The following SORBS2 variants were observed in gnomAD, a reference collection of about 807,000 sequenced individuals.
The protein encoded by SORBS2 is sorbin and SH3 domain-containing protein 2.
SORBS2 carries 46 observed loss-of-function variants against 97.7 expected under a neutral mutation model. That is an observed-to-expected ratio of 0.47 (90% CI 0.37 to 0.60). The LOEUF (loss-of-function observed/expected upper bound fraction) is 0.60. Ranked by LOEUF, SORBS2 falls within the 20% of genes least tolerant of loss-of-function variation. The pLI, the probability that SORBS2 is intolerant of heterozygous loss-of-function variation, is 0.00. For missense variants in SORBS2, 1,316 were observed against 1,282.3 expected, an observed-to-expected ratio of 1.03 and a Z score of -0.40; for synonymous variants, 476 against 473.4, an observed-to-expected ratio of 1.01 and a Z score of -0.07.
chr4:185,778,115 T>C (rs1051070637), intron 1 of SORBS2, among the ~76,000 whole-genome samples: 1 of 152,222 alleles, frequency 6.6e-6, no homozygotes, highest in Non-Finnish European at 1.5e-5. Context: ...TAATTTCACT[T>C]GTTTCTTTTT....
At chr4:185,665,089 G>T (rs1170098618) in intron 4 of SORBS2, among the ~76,000 whole-genome samples, 1 of 152,028 alleles carries the variant, frequency 6.6e-6, no homozygotes, top group Non-Finnish European at 1.5e-5. Flanking sequence ...ACAAATTATT[G>T]ATAAACAAAA....
intron 1 of SORBS2, among the ~76,000 whole-genome samples, chr4:185,849,055 G>A (rs1420848993): frequency 6.6e-6 from 1 of 152,094 alleles, no homozygotes. Context: ...GTTTATTTTG[G>A]ACAATGCCCA....
At chr4:185,782,652 A>T (rs1350478669) in intron 1 of SORBS2, among the ~76,000 whole-genome samples, 1 of 152,260 alleles carries the variant, frequency 6.6e-6, no homozygotes, top group East Asian at 1.9e-4. Flanking sequence ...CAATGGTATG[A>T]AACTCTTTCT....
At chr4:185,739,248 T>C (rs1223933982) in intron 2 of SORBS2, among the ~76,000 whole-genome samples, 2 of 152,220 alleles carry the variant, frequency 1.3e-5, no homozygotes, top group African/African-American at 4.8e-5. Flanking sequence ...GCTGAATAAA[T>C]AGTCTTACAG....
rs1222851672 is a variant in SORBS2, at chr4:185,713,405, G to A, written c.-197-34583C>T. The stretch of plus-strand genomic sequence containing the variant: ...CACTTCTTATCACCTCTCATCTTAC[G>A]TGTTTGCTTTTTATCTCTTTCCCAC... On this transcript the variant is annotated intron_variant, in intron 2 of 20. Transcript: ENST00000284776. Among the ~76,000 whole-genome samples, 17 of 152,198 alleles carry A rather than the reference G, an allele frequency of 1.1e-4. No individual in the cohort carries two copies. The East Asian group carries it at 2.5e-3, about 22-fold the overall frequency.
chr4:185,614,873 G>A (rs773883364), exon 11 of SORBS2: 1 of 1,614,196 alleles, frequency 6.2e-7, no homozygotes, highest in Non-Finnish European at 8.5e-7. Flanking sequence ...CGTTGAAGTT[G>A]TATTTGGCTA....
chr4:185,893,160 T>C (rs908083883), intron 1 of SORBS2, among the ~76,000 whole-genome samples: 1 of 152,156 alleles, frequency 6.6e-6, no homozygotes, highest in African/African-American at 2.4e-5. Context: ...CTGGGGTTGC[T>C]ATGCTGTGGA....
rs756425582 is a variant in SORBS2 at position 185,614,944 on chromosome 4, C to T, written c.2482G>A (p.Glu828Lys). 12 of 1,614,162 alleles carry T rather than the reference C, an allele frequency of 7.4e-6. No individual in the cohort carries two copies. The highest frequency in any genetic ancestry group is 1.7e-5 in the Admixed American group (1 of 60,012). ...GGTGGTCTTGCAGGCTGTGCTTTCT[C>T]AGGAGGTGTGAGTTTCTATGAAGGA... Residue 828 changes from glutamate (E) to lysine (K), a missense_variant, in exon 11 of 15, where the codon GAG (glutamate) becomes AAG (lysine). Coordinates refer to ENST00000418609, the Ensembl canonical transcript of SORBS2.
At chr4:185,941,271 ACTGT>A (rs1375030976) in intron 1 of SORBS2, among the ~76,000 whole-genome samples, 2 of 152,196 alleles carry the variant, frequency 1.3e-5, no homozygotes, top group Non-Finnish European at 2.9e-5. Context: ...GAAAAGGTTA[ACTGT>A]CTTGCTCCAG....
At chr4:185,663,089 G>C (rs1406468431) in intron 4 of SORBS2, among the ~76,000 whole-genome samples, 1 of 152,140 alleles carries the variant, frequency 6.6e-6, no homozygotes, top group Non-Finnish European at 1.5e-5. Flanking sequence ...TCGAGCTCAG[G>C]ACTATTAAGC....
intron 2 of SORBS2, among the ~76,000 whole-genome samples, chr4:185,739,116 G>T (rs563908529): frequency 2.0e-4 from 31 of 152,230 alleles, no homozygotes; most frequent in Non-Finnish European, 3.8e-4. Flanking sequence ...GTGTTCTATT[G>T]ATCTTGCTGC....
chr4:185,740,476 C>A (rs1416973528), intron 2 of SORBS2: 1 of 152,660 alleles, frequency 6.6e-6, no homozygotes, highest in Non-Finnish European at 1.5e-5. Flanking sequence ...CTCAAGAATG[C>A]TCTGTGGCTT....
At chr4:185,762,025 A>G (rs530714878) in intron 2 of SORBS2, among the ~76,000 whole-genome samples, 1 of 152,204 alleles carries the variant, frequency 6.6e-6, no homozygotes, top group African/African-American at 2.4e-5. Context: ...AAGGGGTTAC[A>G]CGGAAGGCAG....
chr4:185,848,618 CTTTTTTTTTTTTTTTTTTT>C (rs537195530), intron 1 of SORBS2, among the ~76,000 whole-genome samples: 1,504 of 75,622 alleles, frequency 0.02, 36 homozygotes, highest in African/African-American at 0.033. Flanking sequence ...AAGGATATCT[CTTTTTTTTTTTTTTTTTTT>C]TTTTTTTTTT....
In SORBS2 at chr4:185,609,456, C is replaced by T. The variant is rs2096495990; in HGVS notation, c.2796+2324G>A. Among the ~76,000 whole-genome samples, 3 of 152,222 alleles carry T rather than the reference C, an allele frequency of 2.0e-5. No individual in the cohort carries two copies. The South Asian group carries it at 6.2e-4, about 32-fold the overall frequency. ...TGATGCTGCGACTACGCTGTGCCGT[C>T]ACCACCACAGTCACCGAAATACATG... On this transcript the variant is annotated intron_variant, in intron 12 of 14. Coordinates refer to ENST00000418609, the Ensembl canonical transcript of SORBS2.
chr4:185,624,306 T>C lies in SORBS2; in HGVS notation c.823A>G (p.Thr275Ala). 2.5e-6 allele frequency: 4 copies of C among 1,614,170 alleles called. No individual in the cohort carries two copies. Among genetic ancestry groups the C allele is most frequent in the Non-Finnish European group, 3.4e-6 (4 of 1,180,024 alleles). ...ATTTTGGGAGAGACGGTTTCTTCCG[T>C]GCTGCTCCAGATTTCTGCGTTTTGC... Residue 275 changes from threonine (T) to alanine (A), a missense_variant, in exon 7 of 15, where the codon ACG (threonine) becomes GCG (alanine). Transcript: ENST00000418609.
chr4:185,825,828 C>T (rs548246099), intron 1 of SORBS2, among the ~76,000 whole-genome samples: 12 of 152,072 alleles, frequency 7.9e-5, no homozygotes, highest in Non-Finnish European at 1.6e-4. Context: ...ATGTTCTTTA[C>T]ATTGGGCCTA....
At chr4:185,715,326 A>T (rs2098456992) in intron 2 of SORBS2, among the ~76,000 whole-genome samples, 1 of 152,216 alleles carries the variant, frequency 6.6e-6, no homozygotes, top group Admixed American at 6.5e-5. Context: ...TTTAGTCTCC[A>T]GCAATTTATA....
chr4:185,632,696 G>A (rs2096928311), intron 4 of SORBS2, among the ~76,000 whole-genome samples: 1 of 152,126 alleles, frequency 6.6e-6, no homozygotes, highest in African/African-American at 2.4e-5. Context: ...CAACCCTACA[G>A]TGATCAGAAA....
Sources: gnomAD v4.1 joint callset for allele counts (sites outside exome capture counted in the v4.1 genomes callset) on GRCh38, gnomAD v4.1.1 for gene constraint, MANE v1.5 for transcripts, NCBI Gene and HGNC (gene_info 2026-07-23, HGNC 2026-07-21) for gene names.